MARCHF5: variants seen among roughly 807,000 people sequenced by gnomAD.
MARCHF5 encodes membrane associated ring-CH-type finger 5, also known as E3 ubiquitin-protein ligase MARCHF5.
Under a neutral mutation model 36.5 loss-of-function variants are expected in MARCHF5, and 5 were observed. The ratio of observed to expected loss-of-function variants is 0.14; its 90% confidence interval spans 0.07 to 0.29. The LOEUF (loss-of-function observed/expected upper bound fraction) is 0.29, where lower values mean the gene tolerates loss of function less well. Among genes scored for constraint, MARCHF5 ranks in the 10% least tolerant of loss-of-function variants. The pLI, the probability that MARCHF5 is intolerant of heterozygous loss-of-function variation, is 1.00. For missense variants in MARCHF5, 179 were observed against 336.3 expected (o/e 0.53, Z 3.66); for synonymous variants, 103 against 109.9 (o/e 0.94, Z 0.39).
chr10:92,309,745 TATGA>T (rs1843122811), intron 1 of MARCHF5, among the ~76,000 whole-genome samples: 1 of 152,048 alleles, frequency 6.6e-6, no homozygotes, highest in Non-Finnish European at 1.5e-5. Context: ...TGCACAACAG[TATGA>T]ATATACTTAC....
chr10:92,315,968 T>C (rs2135190601), intron 2 of MARCHF5, among the ~76,000 whole-genome samples: 1 of 152,296 alleles, frequency 6.6e-6, no homozygotes, highest in East Asian at 1.9e-4. Context: ...ATTTGTGAAA[T>C]ATTTGTGATC....
intron 1 of MARCHF5, among the ~76,000 whole-genome samples, chr10:92,304,731 A>C (rs1450995481): frequency 6.6e-6 from 1 of 152,208 alleles, no homozygotes. Context: ...GAAAAGCTAC[A>C]TTTTATTTAG....
chr10:92,321,876 A>G (rs1451878776), intron 2 of MARCHF5, among the ~76,000 whole-genome samples: 4 of 152,042 alleles, frequency 2.6e-5, no homozygotes, highest in Non-Finnish European at 4.4e-5. Flanking sequence ...TAAGATTGGT[A>G]GTAATGCCCC....
intron 1 of MARCHF5, among the ~76,000 whole-genome samples, chr10:92,298,982 C>CT (rs550636620): frequency 5.6e-4 from 82 of 145,556 alleles, no homozygotes; most frequent in South Asian, 1.1e-3. Context: ...TTTTTTTAAA[C>CT]TTTTTTTTTT....
chr10:92,343,844 C>T (rs960495145), intron 3 of MARCHF5, among the ~76,000 whole-genome samples: 2 of 152,164 alleles, frequency 1.3e-5, no homozygotes, highest in Admixed American at 1.3e-4. Context: ...GCTGGGATTA[C>T]AGGTGTGAGC....
chr10:92,345,715 A>G (rs1348193694), intron 3 of MARCHF5, among the ~76,000 whole-genome samples: 6 of 124,596 alleles, frequency 4.8e-5, no homozygotes, highest in Admixed American at 1.8e-4. Context: ...TTTTTTTGAG[A>G]CAGAGTCTCA....
At chr10:92,309,329 A>G (rs918871310) in intron 1 of MARCHF5, among the ~76,000 whole-genome samples, 3 of 152,228 alleles carry the variant, frequency 2.0e-5, no homozygotes, top group African/African-American at 7.2e-5. Context: ...AATTTGACCT[A>G]TCTTTTCTGT....
intron 2 of MARCHF5, among the ~76,000 whole-genome samples, chr10:92,334,833 G>A (rs548962477): frequency 6.6e-5 from 10 of 152,256 alleles, no homozygotes; most frequent in African/African-American, 1.4e-4. Flanking sequence ...TGTCTGAAAC[G>A]TGAAAACTTG....
chr10:92,349,408 A>T lies in MARCHF5; in HGVS notation c.429A>T (p.Leu143Phe). The T allele has an allele frequency of 6.2e-7, 1 of 1,614,094 alleles. No individual in the cohort carries two copies. Among genetic ancestry groups the T allele is most frequent in the Non-Finnish European group, 8.5e-7 (1 of 1,179,992 alleles). ...VMERADPLFLLIGLPTIPVML... is the reference protein window; with the variant it reads ...VMERADPLFLFIGLPTIPVML... ...AGAGAGCTGATCCTTTATTCCTTTT[A>T]ATTGGACTTCCTACTATTCCTGTCA... Residue 143 changes from leucine (L) to phenylalanine (F), a missense_variant, in exon 4 of 6, where the codon TTA becomes TTT. Transcript: ENST00000358935.
chr10:92,343,641 C>T (rs1204934005), intron 3 of MARCHF5, among the ~76,000 whole-genome samples: 3 of 152,222 alleles, frequency 2.0e-5, no homozygotes, highest in Admixed American at 2.0e-4. Flanking sequence ...GTGATCTCAG[C>T]TCACCGCAAC....
chr10:92,337,342 C>T (rs1165240088), intron 2 of MARCHF5, among the ~76,000 whole-genome samples: 1 of 151,800 alleles, frequency 6.6e-6, no homozygotes, highest in African/African-American at 2.4e-5. Flanking sequence ...TGGAGAAACC[C>T]TGTCTCTACT....
chr10:92,318,999 G>T (rs1466001148), intron 2 of MARCHF5, among the ~76,000 whole-genome samples: 1 of 152,132 alleles, frequency 6.6e-6, no homozygotes, highest in Admixed American at 6.5e-5. Context: ...GAGCCGCTGT[G>T]CCTGACGACT....
At chr10:92,330,606 TC>T (rs1220176039) in intron 2 of MARCHF5, among the ~76,000 whole-genome samples, 2 of 152,176 alleles carry the variant, frequency 1.3e-5, no homozygotes, top group African/African-American at 4.8e-5. Context: ...ACAAGTTTTT[TC>T]TCAGACACCT....
chr10:92,311,393 T>C (rs1276324429), intron 2 of MARCHF5, 56 bp downstream of exon 2: 37 of 1,217,512 alleles, frequency 3.0e-5, no homozygotes, highest in Non-Finnish European at 4.5e-6. Context: ...TATATAACTT[T>C]ATAAGTTCAT....
At chr10:92,317,998 G>A (rs931688657) in intron 2 of MARCHF5, among the ~76,000 whole-genome samples, 11 of 152,012 alleles carry the variant, frequency 7.2e-5, no homozygotes, top group African/African-American at 2.4e-4. Context: ...TGATCCACCC[G>A]CCTAAGCCTC....
chr10:92,349,315 G>A, intron 3 of MARCHF5, 34 bp from the exon 4 acceptor site: 1 of 1,463,774 alleles, frequency 6.8e-7, no homozygotes, highest in South Asian at 1.4e-5. Flanking sequence ...ATTTGAAAAA[G>A]AAGTAATTCT....
At chr10:92,308,805 C>T (rs559337168) in intron 1 of MARCHF5, among the ~76,000 whole-genome samples, 1 of 151,628 alleles carries the variant, frequency 6.6e-6, no homozygotes, top group South Asian at 2.1e-4. Context: ...CCCGGGTTCA[C>T]GCCATTCTCC....
chr10:92,328,322 TC>T lies in MARCHF5; in HGVS notation c.239-12349del, dbSNP rs1480705941. On this transcript the variant is annotated intron_variant, in intron 2 of 5. Transcript: ENST00000358935. ...GCTGTTGTAGTGTTTGCCACATTTCTCCACTGTAAAGTTACTTTTTTTTTTT... is the reference window on the plus strand; with the variant it reads ...GCTGTTGTAGTGTTTGCCACATTTCTCACTGTAAAGTTACTTTTTTTTTTT... Among the ~76,000 whole-genome samples, 6 of 150,904 alleles carry T rather than the reference TC, an allele frequency of 4.0e-5. No individual in the cohort carries two copies. The East Asian group carries it at 1.2e-3, about 30-fold the overall frequency.
chr10:92,305,313 A>G (rs139030062), intron 1 of MARCHF5, among the ~76,000 whole-genome samples: 141 of 152,230 alleles, frequency 9.3e-4, no homozygotes, highest in African/African-American at 3.1e-3. Flanking sequence ...AGGGTGAGAC[A>G]GGAGATTTGC....
Sources: allele counts gnomAD v4.1 joint callset (sites outside exome capture counted in the v4.1 genomes callset), GRCh38; gene constraint gnomAD v4.1.1; transcripts MANE v1.5; gene names NCBI Gene and HGNC (gene_info 2026-07-23, HGNC 2026-07-21).